The following UBE2Q2 variants were observed in gnomAD, a reference collection of about 807,000 sequenced individuals.
The protein encoded by UBE2Q2 is ubiquitin conjugating enzyme E2 Q2.
A neutral mutation model predicts 59.9 loss-of-function variants in UBE2Q2; 54 were observed. The observed-to-expected ratio is 0.90, with a 90% CI of 0.72 to 1.13. The LOEUF (loss-of-function observed/expected upper bound fraction) is 1.13, where lower values mean the gene tolerates loss of function less well. Ranked by LOEUF, UBE2Q2 falls within the 50% of genes most tolerant of loss-of-function variation. The pLI is 0.00. For synonymous variants in UBE2Q2, 165 were observed against 155.2 expected, an observed-to-expected ratio of 1.06 and a Z score of -0.47; for missense variants, 433 against 441.9, an observed-to-expected ratio of 0.98 and a Z score of 0.18.
chr15:75,857,758 A>C (rs1203411908), intron 2 of UBE2Q2, among the ~76,000 whole-genome samples: 3 of 73,746 alleles, frequency 4.1e-5, no homozygotes, highest in East Asian at 6.4e-4. Flanking sequence ...TGTTGTAGGC[A>C]AAAAAAAAAA....
chr15:75,882,770 T>A (rs1010157641), intron 8 of UBE2Q2, among the ~76,000 whole-genome samples: 1 of 152,116 alleles, frequency 6.6e-6, no homozygotes, highest in South Asian at 2.1e-4. Flanking sequence ...ATGAGATGAT[T>A]AAAGCTGGCT....
In UBE2Q2 at chr15:75,853,528, G is replaced by GTA. The variant is rs929584057; in HGVS notation, c.181-850_181-849dup. 2.2e-4 allele frequency among the ~76,000 whole-genome samples: 34 copies of GTA among 151,908 alleles called. No homozygotes were observed. The South Asian group carries it at 2.5e-3, about 11-fold the overall frequency. On this transcript the variant is annotated intron_variant, in intron 1 of 12. Transcript: ENST00000267938. ...TATATGTATGTATGTATGTATGTGT[G>GTA]TATATATATGTAGTAATGGCATTTC...
At chr15:75,852,852 G>A (rs1328483319) in intron 1 of UBE2Q2, among the ~76,000 whole-genome samples, 2 of 152,154 alleles carry the variant, frequency 1.3e-5, no homozygotes, top group African/African-American at 4.8e-5. Context: ...TATTGACCAG[G>A]TATACTATTA....
intron 3 of UBE2Q2, among the ~76,000 whole-genome samples, chr15:75,862,419 C>CTTT (rs553538678): frequency 7.2e-6 from 1 of 139,194 alleles, no homozygotes; most frequent in Non-Finnish European, 1.6e-5. Context: ...TTATTTTGGT[C>CTTT]TTTTTTTTTT....
intron 1 of UBE2Q2, among the ~76,000 whole-genome samples, chr15:75,849,278 A>G (rs1567014016): frequency 6.6e-6 from 1 of 152,196 alleles, no homozygotes; most frequent in Non-Finnish European, 1.5e-5. Context: ...AAACTATGAA[A>G]GTAATGTGTC....
At chr15:75,868,469 A>T (rs1168237896) in intron 3 of UBE2Q2, among the ~76,000 whole-genome samples, 2 of 152,302 alleles carry the variant, frequency 1.3e-5, no homozygotes, top group Non-Finnish European at 2.9e-5. Context: ...TAGTTTTGTG[A>T]AATGTCTATT....
At position 75,843,705 on chromosome 15, in the gene UBE2Q2, G is replaced by A. The variant is rs1896143748; in HGVS notation, c.39G>A (p.Leu13=). Residue 13 remains leucine (L), a synonymous_variant, in exon 1 of 13, where the codon CTG becomes CTA. Coordinates refer to ENST00000267938, the MANE Select transcript of UBE2Q2 (RefSeq NM_173469.4). The part of the protein sequence containing the change: ...VSGLKAELKF[L]ASIFDKNHER... ...GGCTCAAGGCCGAGCTGAAGTTCCT[G>A]GCGTCCATCTTCGACAAGAACCACG... is the stretch of plus-strand genomic sequence containing the variant. The A allele has an allele frequency of 2.5e-6, 4 of 1,611,310 alleles. No homozygotes were observed. The highest frequency in any genetic ancestry group is 2.5e-6 in the Non-Finnish European group (3 of 1,178,986).
intron 1 of UBE2Q2, 77 bp downstream of exon 1, chr15:75,843,923 A>G: frequency 6.9e-7 from 1 of 1,446,326 alleles, no homozygotes; most frequent in Non-Finnish European, 9.1e-7. Context: ...GACAAAGGGG[A>G]GCCTGCCCCG....
At chr15:75,860,352 T>C (rs1262003004) in intron 3 of UBE2Q2, among the ~76,000 whole-genome samples, 1 of 152,202 alleles carries the variant, frequency 6.6e-6, no homozygotes, top group African/African-American at 2.4e-5. Context: ...CCAAATGTTA[T>C]CTCCTGCAAG....
intron 8 of UBE2Q2, among the ~76,000 whole-genome samples, chr15:75,880,987 T>C (rs968079024): frequency 4.6e-5 from 7 of 152,218 alleles, no homozygotes; most frequent in Admixed American, 6.5e-5. Context: ...AATGTCAGTA[T>C]TATCTCTCAC....
intron 3 of UBE2Q2, among the ~76,000 whole-genome samples, chr15:75,863,940 C>T (rs942762453): frequency 1.3e-5 from 2 of 151,964 alleles, no homozygotes; most frequent in South Asian, 2.1e-4. Context: ...GCACCTGGCC[C>T]CTCACTTTTC....
At chr15:75,853,784 A>G (rs1275083571) in intron 1 of UBE2Q2, among the ~76,000 whole-genome samples, 3 of 152,102 alleles carry the variant, frequency 2.0e-5, no homozygotes, top group Non-Finnish European at 4.4e-5. Context: ...GGATAGGGAG[A>G]GAATCAGTCT....
chr15:75,883,516 G>A (rs1898570068), intron 9 of UBE2Q2, 92 bp downstream of exon 9: 1 of 906,772 alleles, frequency 1.1e-6, no homozygotes, highest in South Asian at 1.5e-5. Context: ...TGCCCTGGCT[G>A]GTCTTGAATT....
At chr15:75,885,506 A>G (rs1898708745) in intron 9 of UBE2Q2, among the ~76,000 whole-genome samples, 1 of 152,164 alleles carries the variant, frequency 6.6e-6, no homozygotes, top group African/African-American at 2.4e-5. Context: ...GACTTCTTGG[A>G]GGCTTAATGC....
chr15:75,869,038 C>A, intron 4 of UBE2Q2, 28 bp downstream of exon 4: 1 of 1,577,398 alleles, frequency 6.3e-7, no homozygotes, highest in South Asian at 1.1e-5. Context: ...AAGAAGAGTT[C>A]ATAAATTTCT....
In UBE2Q2 at chr15:75,877,892, TA is replaced by T. The variant is rs1202583982; in HGVS notation, c.674-68del. Reference sequence around the variant, plus strand: ...TAGCTTTCGTTGGCTATTTAGTGTATACATTTATACCATAGTAATAGTTATA... The same window carrying T: ...TAGCTTTCGTTGGCTATTTAGTGTATCATTTATACCATAGTAATAGTTATA... On this transcript the variant is annotated intron_variant, in intron 6 of 12. Coordinates refer to ENST00000267938, the MANE Select transcript of UBE2Q2 (RefSeq NM_173469.4). 6 of 1,437,970 alleles carry T rather than the reference TA, an allele frequency of 4.2e-6. No homozygotes were observed. The African/African-American group carries it at 8.5e-5, about 20-fold the overall frequency. 89.1% of individuals were successfully genotyped at this position (1,437,970 alleles called of 1,614,324 possible). A position where few individuals can be genotyped will look rare whatever the true frequency, so the allele number is the denominator to read the frequency against.
intron 4 of UBE2Q2, among the ~76,000 whole-genome samples, chr15:75,870,932 CAG>C (rs1322936684): frequency 3.3e-5 from 5 of 152,086 alleles, no homozygotes; most frequent in Non-Finnish European, 1.5e-5. Flanking sequence ...GAAAAAGACA[CAG>C]AGACAAAGTA....
At chr15:75,873,715 C>A in intron 5 of UBE2Q2, 147 bp downstream of exon 5, 1 of 912,762 alleles carries the variant, frequency 1.1e-6, no homozygotes, top group Non-Finnish European at 1.6e-6. Context: ...TGTTTTAAAA[C>A]AGGGTCTTGC....
intron 5 of UBE2Q2, 88 bp from the exon 6 acceptor site, chr15:75,876,089 AGTGGTGATCC>A: frequency 1.5e-6 from 1 of 682,922 alleles, no homozygotes; most frequent in Non-Finnish European, 2.4e-6. Flanking sequence ...AAAAATGTTG[AGTGGTGATCC>A]ATTTTTGCTG....
Sources: gnomAD v4.1 joint callset for allele counts (sites outside exome capture counted in the v4.1 genomes callset) on GRCh38, gnomAD v4.1.1 for gene constraint, MANE v1.5 for transcripts, NCBI Gene and HGNC (gene_info 2026-07-23, HGNC 2026-07-21) for gene names.